KLHL1: variants seen among roughly 807,000 people sequenced by gnomAD.
The protein encoded by KLHL1 is kelch like family member 1.
In KLHL1, 47 loss-of-function variants were observed where a neutral mutation model predicts 77.7. The observed-to-expected ratio is 0.60, with a 90% CI of 0.48 to 0.77. The LOEUF is 0.77. Ranked by LOEUF, KLHL1 falls within the 30% of genes least tolerant of loss-of-function variation. The pLI is 0.00. For missense variants in KLHL1, 925 were observed against 910.8 expected, an observed-to-expected ratio of 1.02 and a Z score of -0.20; for synonymous variants, 360 against 325.2, an observed-to-expected ratio of 1.11 and a Z score of -1.15.
chr13:69,869,538 T>C (rs147331638), intron 5 of KLHL1, among the ~76,000 whole-genome samples: 188 of 152,242 alleles, frequency 1.2e-3, no homozygotes, highest in African/African-American at 4.2e-3. Context: ...ATTATTAAAG[T>C]AAAAACTTTT....
intron 1 of KLHL1, among the ~76,000 whole-genome samples, chr13:70,016,095 T>C (rs1224228633): frequency 6.6e-6 from 1 of 152,242 alleles, no homozygotes; most frequent in Non-Finnish European, 1.5e-5. Context: ...CATTCATCTC[T>C]ATATGAGAAA....
At chr13:69,816,264 CTT>C (rs1219634338) in intron 6 of KLHL1, among the ~76,000 whole-genome samples, 34 of 137,616 alleles carry the variant, frequency 2.5e-4, no homozygotes, top group Non-Finnish European at 2.2e-4. Flanking sequence ...AATTTTTTTT[CTT>C]TTTTTTTTTT....
chr13:70,075,341 TAAAA>T (rs1165460509), intron 1 of KLHL1, among the ~76,000 whole-genome samples: 3 of 150,368 alleles, frequency 2.0e-5, no homozygotes, highest in African/African-American at 7.3e-5. Context: ...AAAAATAAAA[TAAAA>T]AAATAAAAGC....
At chr13:70,033,542 G>A (rs1036317083) in intron 1 of KLHL1, among the ~76,000 whole-genome samples, 3 of 148,374 alleles carry the variant, frequency 2.0e-5, no homozygotes, top group Non-Finnish European at 3.0e-5. Context: ...CTCCGACCTC[G>A]TGATCCACCC....
chr13:70,107,150 G>A, intron 1 of KLHL1, 53 bp downstream of exon 1: 2 of 1,533,636 alleles, frequency 1.3e-6, no homozygotes, highest in Non-Finnish European at 1.8e-6. Flanking sequence ...CACACGCGGT[G>A]AAATGAGTGG....
chr13:69,799,811 C>T (rs1229058258), intron 6 of KLHL1, among the ~76,000 whole-genome samples: 2 of 152,154 alleles, frequency 1.3e-5, no homozygotes, highest in South Asian at 4.1e-4. Context: ...AGGACGTGGA[C>T]CAGTAATGGT....
At chr13:69,889,619 A>G (rs1405503369) in intron 4 of KLHL1, among the ~76,000 whole-genome samples, 3 of 151,898 alleles carry the variant, frequency 2.0e-5, no homozygotes, top group South Asian at 4.1e-4. Context: ...TACAACTCTT[A>G]ATATTTCTGG....
intron 5 of KLHL1, among the ~76,000 whole-genome samples, chr13:69,851,992 G>A (rs907093453): frequency 6.6e-6 from 1 of 151,792 alleles, no homozygotes; most frequent in Non-Finnish European, 1.5e-5. Flanking sequence ...ATCATAACCT[G>A]GATTCAAACC....
intron 4 of KLHL1, among the ~76,000 whole-genome samples, chr13:69,926,123 G>A (rs1466707625): frequency 6.6e-6 from 1 of 152,054 alleles, no homozygotes; most frequent in Non-Finnish European, 1.5e-5. Context: ...TATTATTAAA[G>A]TAACTTTAAT....
chr13:70,066,785 A>G (rs1050189710), intron 1 of KLHL1, among the ~76,000 whole-genome samples: 1 of 152,188 alleles, frequency 6.6e-6, no homozygotes, highest in Non-Finnish European at 1.5e-5. Flanking sequence ...TTAGATTTTT[A>G]TTTGTAACCA....
chr13:69,777,862 AT>A (rs1268766121), intron 7 of KLHL1, among the ~76,000 whole-genome samples: 13 of 152,190 alleles, frequency 8.5e-5, no homozygotes, highest in African/African-American at 3.1e-4. Context: ...TACCTTACTT[AT>A]CATTTTATTC....
At chr13:70,011,980 C>A (rs868005328) in intron 1 of KLHL1, among the ~76,000 whole-genome samples, 3 of 152,060 alleles carry the variant, frequency 2.0e-5, no homozygotes, top group African/African-American at 7.2e-5. Context: ...TGGCAGCAGG[C>A]AAAGAGAGAG....
At chr13:69,864,818 A>G (rs1185080903) in intron 5 of KLHL1, among the ~76,000 whole-genome samples, 1 of 152,188 alleles carries the variant, frequency 6.6e-6, no homozygotes, top group Non-Finnish European at 1.5e-5. Flanking sequence ...ATACCTCTAA[A>G]TGATCTAAAT....
intron 7 of KLHL1, among the ~76,000 whole-genome samples, chr13:69,763,729 G>C (rs1362909572): frequency 1.3e-5 from 2 of 152,198 alleles, no homozygotes; most frequent in African/African-American, 2.4e-5. Context: ...TTCTGAAACT[G>C]AGCTCTTGCA....
chr13:69,769,579 T>C (rs1566231222), intron 7 of KLHL1, among the ~76,000 whole-genome samples: 1 of 152,164 alleles, frequency 6.6e-6, no homozygotes, highest in South Asian at 2.1e-4. Context: ...TTCCAGATTG[T>C]ATTTTTCTGA....
chr13:70,105,575 A>T (rs901566939), intron 1 of KLHL1, among the ~76,000 whole-genome samples: 8 of 151,426 alleles, frequency 5.3e-5, no homozygotes, highest in African/African-American at 1.9e-4. Flanking sequence ...GTAACAGATA[A>T]ATACTTAACC....
chr13:69,949,493 T>A (rs1883636923), intron 3 of KLHL1, among the ~76,000 whole-genome samples: 2 of 151,954 alleles, frequency 1.3e-5, no homozygotes, highest in South Asian at 2.1e-4. Context: ...GTGATAGTCA[T>A]CTTGATCACG....
intron 7 of KLHL1, among the ~76,000 whole-genome samples, chr13:69,745,211 A>T (rs1593792105): frequency 6.6e-6 from 1 of 151,900 alleles, no homozygotes; most frequent in Non-Finnish European, 1.5e-5. Flanking sequence ...TGACTGGTAA[A>T]ACTAAGCATT....
chr13:69,843,161 A>G (rs1385553297), intron 5 of KLHL1, among the ~76,000 whole-genome samples: 3 of 151,712 alleles, frequency 2.0e-5, no homozygotes, highest in Non-Finnish European at 3.0e-5. Context: ...ACAAAAATGT[A>G]TTGTTCTCAG....
Sources: allele counts gnomAD v4.1 joint callset (sites outside exome capture counted in the v4.1 genomes callset), GRCh38; gene constraint gnomAD v4.1.1; transcripts MANE v1.5; gene names NCBI Gene and HGNC (gene_info 2026-07-23, HGNC 2026-07-21).